Variants in SORT1 observed in about 807,000 individuals in gnomAD.
The protein encoded by SORT1 is sortilin.
A neutral mutation model predicts 101.7 loss-of-function variants in SORT1; 39 were observed. The observed-to-expected ratio is 0.38, with a 90% CI of 0.30 to 0.50. SORT1 has a LOEUF of 0.50. Among genes scored for constraint, SORT1 ranks in the 20% least tolerant of loss-of-function variants. The probability of loss-of-function intolerance (pLI) is 0.90; values close to 1 mark genes in which losing one functional copy is unlikely to be tolerated. For missense variants in SORT1, 878 were observed against 1,040.4 expected, an observed-to-expected ratio of 0.84 and a Z score of 2.15; for synonymous variants, 396 against 393.7, an observed-to-expected ratio of 1.01 and a Z score of -0.07.
intron 7 of SORT1, among the ~76,000 whole-genome samples, chr1:109,346,794 G>A (rs1021501648): frequency 6.6e-6 from 1 of 150,628 alleles, no homozygotes; most frequent in African/African-American, 2.4e-5. Flanking sequence ...CTTTCTTCAT[G>A]GCACAGTTTG....
At chr1:109,353,193 G>A (rs536154570) in intron 5 of SORT1, among the ~76,000 whole-genome samples, 1 of 151,818 alleles carries the variant, frequency 6.6e-6, no homozygotes, top group South Asian at 2.1e-4. Context: ...CTGGGCCTGG[G>A]TGCACATGCC....
intron 1 of SORT1, among the ~76,000 whole-genome samples, chr1:109,385,581 G>A (rs1652522955): frequency 6.6e-6 from 1 of 152,228 alleles, no homozygotes; most frequent in African/African-American, 2.4e-5. Context: ...ACTGAGCCGA[G>A]AGAACCATAA....
At chr1:109,338,232 C>T (rs553228965) in intron 10 of SORT1, among the ~76,000 whole-genome samples, 9 of 152,136 alleles carry the variant, frequency 5.9e-5, no homozygotes, top group East Asian at 3.9e-4. Flanking sequence ...AGGGAACTGT[C>T]GGTGCAAACT....
chr1:109,324,295 ACCTGG>A (rs1225073239), intron 14 of SORT1, among the ~76,000 whole-genome samples: 1 of 151,842 alleles, frequency 6.6e-6, no homozygotes, highest in Non-Finnish European at 1.5e-5. Context: ...CCGCCACCTT[ACCTGG>A]CTAATTTTTC....
chr1:109,363,039 A>G (rs1650833918), intron 3 of SORT1, among the ~76,000 whole-genome samples: 1 of 152,198 alleles, frequency 6.6e-6, no homozygotes, highest in African/African-American at 2.4e-5. Context: ...TGAAAAACTT[A>G]CATTGACTAT....
At chr1:109,350,596 T>C (rs1188954064) in intron 6 of SORT1, among the ~76,000 whole-genome samples, 2 of 152,226 alleles carry the variant, frequency 1.3e-5, no homozygotes, top group African/African-American at 2.4e-5. Flanking sequence ...TGGAGAAGTA[T>C]TTAAATCCCT....
At position 109,317,866 on chromosome 1, in the gene SORT1, G is replaced by A. The variant is rs778776913; in HGVS notation, c.2128C>T (p.Leu710=). ...AGGCCACCTCACCCATTTGTTGTTA[G>A]GTGTTCTTCTCTTCCGTACAGACAA... ...EFCLYGREEH[L]TTNGYRKIPG... Residue 710 remains leucine, a synonymous_variant, in exon 16 of 20, where the codon CTA becomes TTA. Transcript: ENST00000256637. The A allele has an allele frequency of 9.3e-6, 15 of 1,609,486 alleles. No homozygotes were observed. In the African/African-American group the frequency reaches 1.9e-4, roughly 20 times the overall value.
chr1:109,357,032 A>G (rs373946762), intron 3 of SORT1, among the ~76,000 whole-genome samples: 164 of 152,326 alleles, frequency 1.1e-3, no homozygotes, highest in South Asian at 6.4e-3. Context: ...TTGGTTACCA[A>G]TGGACTGTTT....
At chr1:109,391,209 GA>G (rs1292828851) in intron 1 of SORT1, among the ~76,000 whole-genome samples, 2 of 151,982 alleles carry the variant, frequency 1.3e-5, no homozygotes, top group South Asian at 2.1e-4. Flanking sequence ...ATAACTACAT[GA>G]AAAAAAGTAC....
chr1:109,366,268 C>T (rs1651082007), intron 3 of SORT1, among the ~76,000 whole-genome samples: 1 of 152,186 alleles, frequency 6.6e-6, no homozygotes, highest in Admixed American at 6.5e-5. Context: ...CCACCATCAT[C>T]GCCAGTGTGA....
At chr1:109,380,813 CAAAAAAAAAAAAAAA>C (rs60568166) in intron 1 of SORT1, among the ~76,000 whole-genome samples, 2 of 49,222 alleles carry the variant, frequency 4.1e-5, no homozygotes, top group Non-Finnish European at 6.8e-5. Context: ...CCTGTCGCCA[CAAAAAAAAAAAAAAA>C]AAAAAAAAAA....
At chr1:109,356,298 T>C (rs556416329) in intron 3 of SORT1, among the ~76,000 whole-genome samples, 1 of 152,316 alleles carries the variant, frequency 6.6e-6, no homozygotes, top group South Asian at 2.1e-4. Context: ...AAGAATTACC[T>C]GGCCCCAATG....
At chr1:109,325,670 G>A (rs1450231796) in intron 13 of SORT1, among the ~76,000 whole-genome samples, 2 of 152,036 alleles carry the variant, frequency 1.3e-5, no homozygotes, top group African/African-American at 2.4e-5. Flanking sequence ...GGTAAGAACT[G>A]GCTTTTAAAT....
At chr1:109,345,957 T>C in intron 7 of SORT1, 76 bp from the exon 8 acceptor site, 1 of 1,267,450 alleles carries the variant, frequency 7.9e-7, no homozygotes, top group Non-Finnish European at 1.1e-6. Flanking sequence ...TTAGAATCAA[T>C]CTTAATTTTA....
rs926322928 is a variant in SORT1 at position 109,356,442 on chromosome 1, C to A, written c.441-973G>T. On this transcript the variant is annotated intron_variant, in intron 3 of 19. Transcript: ENST00000256637. The stretch of plus-strand genomic sequence containing the variant: ...ATACCGAGAAGCAGAGCCTATGACA[C>A]TGAATTGAATCGACCCTGAAGCCTG... 7.9e-5 allele frequency among the ~76,000 whole-genome samples: 12 copies of A among 152,286 alleles called. 1 individual carries two copies. Among genetic ancestry groups the A allele is most frequent in the African/African-American group, 2.9e-4 (12 of 41,554 alleles).
chr1:109,350,326 C>T (rs926320020), intron 6 of SORT1, among the ~76,000 whole-genome samples: 1 of 152,182 alleles, frequency 6.6e-6, no homozygotes, highest in African/African-American at 2.4e-5. Context: ...AAAACTAAAG[C>T]CCAGAAAGGT....
chr1:109,362,824 A>G (rs1304225236), intron 3 of SORT1, among the ~76,000 whole-genome samples: 1 of 152,098 alleles, frequency 6.6e-6, no homozygotes, highest in African/African-American at 2.4e-5. Flanking sequence ...GCAAGAAAAT[A>G]TATGTTGTAA....
At position 109,397,906 on chromosome 1, in the gene SORT1, C is replaced by A. The variant is rs1250251134; in HGVS notation, c.-14G>T. 8.7e-6 allele frequency: 10 copies of A among 1,146,238 alleles called. No individual in the cohort carries two copies. Among genetic ancestry groups the A allele is most frequent in the Middle Eastern group, 3.7e-4 (1 of 2,720 alleles). 71.0% of individuals were successfully genotyped at this position (1,146,238 alleles called of 1,614,324 possible). ...GGGCCGCTCCATCGCCGCCGAATGC[C>A]GCCGACGCCGACACCTGCCGCCCGG... On this transcript the variant is annotated 5_prime_UTR_variant, in exon 1 of 20. Transcript: ENST00000256637.
chr1:109,345,618 C>A (rs1022421076), intron 8 of SORT1, 133 bp downstream of exon 8: 1 of 818,448 alleles, frequency 1.2e-6, no homozygotes, highest in Admixed American at 2.6e-5. Context: ...AAAAGAATCA[C>A]CCCTAACACT....
Sources: gnomAD v4.1 joint callset for allele counts (sites outside exome capture counted in the v4.1 genomes callset) on GRCh38, gnomAD v4.1.1 for gene constraint, MANE v1.5 for transcripts, NCBI Gene and HGNC (gene_info 2026-07-23, HGNC 2026-07-21) for gene names.